Variants in ERCC5 observed in about 807,000 individuals in gnomAD.
The protein encoded by ERCC5 is DNA excision repair protein ERCC-5.
In ERCC5, 68 loss-of-function variants were observed where a neutral mutation model predicts 105.6. The ratio of observed to expected loss-of-function variants is 0.64; its 90% CI spans 0.53 to 0.79. The LOEUF (loss-of-function observed/expected upper bound fraction) is 0.79. Among genes scored for constraint, ERCC5 ranks in the 30% least tolerant of loss-of-function variants. ERCC5 has a pLI of 0.00. For synonymous variants in ERCC5, 546 were observed against 526.2 expected (o/e 1.04, Z -0.51); for missense variants, 1,373 against 1,426.7 (o/e 0.96, Z 0.61).
At chr13:102,871,252 T>G (rs372058327) in intron 12 of ERCC5, among the ~76,000 whole-genome samples, 1 of 152,210 alleles carries the variant, frequency 6.6e-6, no homozygotes, top group African/African-American at 2.4e-5. Flanking sequence ...GGGCCTCCCC[T>G]AGGCCTGGCA....
chr13:102,864,044 T>G (rs1221877915), intron 8 of ERCC5, among the ~76,000 whole-genome samples: 2 of 151,646 alleles, frequency 1.3e-5, no homozygotes, highest in Non-Finnish European at 2.9e-5. Context: ...ATAGATATGT[T>G]TAGGAGCAAT....
Position 102,853,829 on chromosome 13 carries a change from T to C in ERCC5, c.337T>C (p.Phe113Leu). ...AACGACAGAGAAGCTTCTGAAAACA[T>C]TTTTGAAAAGACAAGCCATCAAAAC... ...RKTTEKLLKT[F>L]LKRQAIKTAF... is the part of the protein sequence containing the mutation. The change falls in exon 3 of 15, where the codon TTT (phenylalanine) becomes CTT (leucine). Residue 113 changes from phenylalanine to leucine, a missense_variant. Phe to Leu is a conservative substitution (Grantham distance 22). Coordinates refer to ENST00000652225, the MANE Select transcript of ERCC5 (RefSeq NM_000123.4). 6.2e-7 allele frequency: 1 copy of C among 1,614,218 alleles called. No homozygotes were observed. The highest frequency in any genetic ancestry group is 8.5e-7 in the Non-Finnish European group (1 of 1,180,034).
Position 102,868,121 on chromosome 13 carries a change from C to T in ERCC5, c.2542C>T (p.Arg848Trp), listed in dbSNP as rs587778290. The change falls in exon 12 of 15, where the codon CGG (arginine) becomes TGG (tryptophan). Residue 848 changes from arginine to tryptophan, a missense_variant. By Grantham distance (101) the Arg-to-Trp change is moderately radical. This residue lies in a region of ERCC5 where 1,004 missense variants were observed against 1,059.7 expected (regional missense o/e 0.95). Transcript: ENST00000652225. ...ATATTGTTACTCTTTAGGATTGGAC[C>T]GGAATAAGTTAATAAATTTGGCTTA... ...VDFHNQLGLD[R>W]NKLINLAYLL... The T allele has an allele frequency of 1.9e-5, 30 of 1,613,472 alleles. No homozygotes were observed. The highest frequency in any genetic ancestry group is 1.2e-4 in the African/African-American group (9 of 74,790).
rs761650522 is a variant in ERCC5, at chr13:102,875,828, C to T, written c.3486C>T (p.Leu1162=). 78 of 1,613,242 alleles carry T rather than the reference C, an allele frequency of 4.8e-5. No individual in the cohort carries two copies. The Middle Eastern group carries it at 3.0e-3, about 61-fold the overall frequency. Residue 1162 remains leucine (L), a synonymous_variant, in exon 15 of 15, where the codon CTC becomes CTT. Coordinates refer to ENST00000652225, the MANE Select transcript of ERCC5 (RefSeq NM_000123.4). ...DDDGGKEKMV[L]VTARSVFGKK... ...ATGGAGGGAAAGAGAAGATGGTCCT[C>T]GTGACCGCCAGATCTGTGTTTGGGA...
intron 5 of ERCC5, 107 bp downstream of exon 5, chr13:102,856,219 AG>A: frequency 8.3e-7 from 1 of 1,205,744 alleles, no homozygotes; most frequent in Non-Finnish European, 1.2e-6. Context: ...CCTGATAAAA[AG>A]TAAAGACAGA....
At chr13:102,854,256 A>G in intron 3 of ERCC5, 32 bp from the exon 4 acceptor site, 1 of 1,612,052 alleles carries the variant, frequency 6.2e-7, no homozygotes, top group Non-Finnish European at 8.5e-7. Context: ...CAGGGTCTGC[A>G]TAATCTGTTT....
intron 5 of ERCC5, among the ~76,000 whole-genome samples, chr13:102,857,580 G>T (rs1283120917): frequency 6.6e-6 from 1 of 152,186 alleles, no homozygotes; most frequent in Non-Finnish European, 1.5e-5. Flanking sequence ...TTTTGGTAAT[G>T]AGTTAAAGTT....
chr13:102,858,518 T>C (rs1259131399), intron 6 of ERCC5, 100 bp downstream of exon 6: 8 of 1,524,958 alleles, frequency 5.2e-6, no homozygotes, highest in South Asian at 1.1e-5. Context: ...TTACACGATA[T>C]CTCAGTTAAC....
At chr13:102,856,214 T>A in intron 5 of ERCC5, 102 bp downstream of exon 5, 2 of 1,265,536 alleles carry the variant, frequency 1.6e-6, no homozygotes, top group Non-Finnish European at 2.3e-6. Flanking sequence ...AAGTTCCTGA[T>A]AAAAAGTAAA....
intron 12 of ERCC5, among the ~76,000 whole-genome samples, chr13:102,869,141 A>G (rs1007534385): frequency 2.0e-5 from 3 of 152,224 alleles, no homozygotes; most frequent in Admixed American, 2.0e-4. Context: ...TCTGACCTGA[A>G]GAGTCAGTGA....
intron 12 of ERCC5, among the ~76,000 whole-genome samples, chr13:102,868,465 A>C (rs1480243776): frequency 2.0e-5 from 3 of 152,226 alleles, no homozygotes; most frequent in Non-Finnish European, 4.4e-5. Context: ...TCCTAGTTCA[A>C]GGGTACAAAG....
rs4150321 is a variant in ERCC5 at position 102,863,211 on chromosome 13, C to G, written c.1954+108C>G. 8,829 of 1,243,028 alleles carry G rather than the reference C, an allele frequency of 7.1e-3. 449 individuals are homozygous for G. The African/African-American group carries it at 0.11, about 16-fold the overall frequency. 77.0% of individuals were successfully genotyped at this position (1,243,028 alleles called of 1,614,324 possible). ...GTTTTAACTTTTTACAGATAAGGAACGAGAGACGTAGAAAGAAAGATGAAA... is the reference window on the plus strand; with the variant it reads ...GTTTTAACTTTTTACAGATAAGGAAGGAGAGACGTAGAAAGAAAGATGAAA... On this transcript the variant is annotated intron_variant, in intron 8 of 14. Transcript: ENST00000652225.
chr13:102,852,971 A>T (rs1023037849), intron 2 of ERCC5, among the ~76,000 whole-genome samples: 4 of 152,162 alleles, frequency 2.6e-5, no homozygotes, highest in African/African-American at 4.8e-5. Flanking sequence ...ACCCATTTGG[A>T]TATATGACTT....
At chr13:102,863,823 G>A (rs1042725995) in intron 8 of ERCC5, among the ~76,000 whole-genome samples, 4 of 152,104 alleles carry the variant, frequency 2.6e-5, no homozygotes, top group Non-Finnish European at 2.9e-5. Context: ...AAGAAGCTCC[G>A]GCCCCAGGCC....
At chr13:102,858,820 T>C (rs536903017) in intron 6 of ERCC5, 2 of 444,068 alleles carry the variant, frequency 4.5e-6, no homozygotes, top group African/African-American at 4.0e-5. Context: ...ATAAAAGTTA[T>C]TGTAACCTAT....
intron 1 of ERCC5, among the ~76,000 whole-genome samples, chr13:102,847,356 A>G (rs996668585): frequency 2.0e-5 from 3 of 149,266 alleles, no homozygotes; most frequent in Non-Finnish European, 3.0e-5. Context: ...CCTTACACCA[A>G]TTTCCTAAAT....
intron 9 of ERCC5, 69 bp from the exon 10 acceptor site, chr13:102,866,193 C>T (rs1301646993): frequency 1.4e-5 from 22 of 1,600,054 alleles, no homozygotes; most frequent in South Asian, 1.3e-4. Context: ...AGACTAAATG[C>T]AGGCTTTTTG....
intron 11 of ERCC5, 58 bp from the exon 12 acceptor site, chr13:102,868,054 GT>G (rs1277741375): frequency 6.6e-6 from 10 of 1,508,142 alleles, no homozygotes; most frequent in Non-Finnish European, 9.1e-6. Flanking sequence ...ATAATAAAAT[GT>G]TTATAAATGT....
intron 1 of ERCC5, among the ~76,000 whole-genome samples, chr13:102,847,316 G>A (rs1286825038): frequency 1.5e-5 from 2 of 130,146 alleles, no homozygotes; most frequent in East Asian, 4.4e-4. Flanking sequence ...TTTTTTTTGA[G>A]TATCTATTCT....
Sources: allele counts gnomAD v4.1 joint callset (sites outside exome capture counted in the v4.1 genomes callset), GRCh38; gene constraint gnomAD v4.1.1; regional missense constraint gnomAD v4.1.1; transcripts MANE v1.5; gene names NCBI Gene and HGNC (gene_info 2026-07-23, HGNC 2026-07-21).